The following CPPED1 variants were observed in gnomAD, a reference collection of about 807,000 sequenced individuals.
CPPED1 encodes serine/threonine-protein phosphatase CPPED1.
A neutral mutation model predicts 28.0 loss-of-function variants in CPPED1; 28 were observed. The observed-to-expected ratio is 1.00, with a 90% CI of 0.74 to 1.37. The LOEUF (loss-of-function observed/expected upper bound fraction) is 1.37. Among genes scored for constraint, CPPED1 ranks in the 40% most tolerant of loss-of-function variants. CPPED1 has a pLI of 0.00. For missense variants in CPPED1, 504 were observed against 416.5 expected, an observed-to-expected ratio of 1.21 and a Z score of -1.83; for synonymous variants, 198 against 180.2, an observed-to-expected ratio of 1.10 and a Z score of -0.79.
chr16:12,678,882 C>T (rs2079891217), intron 3 of CPPED1, among the ~76,000 whole-genome samples: 1 of 152,046 alleles, frequency 6.6e-6, no homozygotes, highest in African/African-American at 2.4e-5. Context: ...CTTTCTCTTG[C>T]TTTTTGCAAT....
chr16:12,665,199 G>GTAATATATT, intron 3 of CPPED1, 84 bp from the exon 4 acceptor site: 1 of 1,147,714 alleles, frequency 8.7e-7, no homozygotes, highest in Non-Finnish European at 1.2e-6. Flanking sequence ...TCTGTGAACA[G>GTAATATATT]TAATATATTA....
intron 2 of CPPED1, among the ~76,000 whole-genome samples, chr16:12,777,879 AT>A (rs1164536769): frequency 6.7e-6 from 1 of 150,274 alleles, no homozygotes; most frequent in African/African-American, 2.4e-5. Flanking sequence ...TAAAAAAAAA[AT>A]GAAAGTTCTT....
intron 2 of CPPED1, among the ~76,000 whole-genome samples, chr16:12,727,169 A>T (rs1057152738): frequency 6.6e-6 from 1 of 152,202 alleles, no homozygotes; most frequent in Admixed American, 6.5e-5. Flanking sequence ...TGTGTCCAGT[A>T]TAGAGGGGTT....
At chr16:12,702,233 G>C (rs984696686) in intron 3 of CPPED1, among the ~76,000 whole-genome samples, 1 of 151,934 alleles carries the variant, frequency 6.6e-6, no homozygotes, top group East Asian at 1.9e-4. Context: ...CTTGGTGGGT[G>C]GTCAACAGGC....
chr16:12,752,828 T>C (rs2080338825), intron 2 of CPPED1, among the ~76,000 whole-genome samples: 1 of 148,092 alleles, frequency 6.8e-6, no homozygotes, highest in African/African-American at 2.4e-5. Context: ...ACATAACATA[T>C]ATTAATTAGA....
chr16:12,691,411 G>C (rs1331415422), intron 3 of CPPED1, among the ~76,000 whole-genome samples: 1 of 152,158 alleles, frequency 6.6e-6, no homozygotes, highest in East Asian at 1.9e-4. Flanking sequence ...AAGTAGCTAG[G>C]ATTGAAGGCA....
In CPPED1 at chr16:12,766,804, G is replaced by T. The variant is rs539097097; in HGVS notation, c.289+14381C>A. Reference sequence around the variant, plus strand: ...AAAAGCAAAAACAGAAAACTCCAAGGAAGCACAGGAGGTAGGCTCTAGGAC... The same window carrying T: ...AAAAGCAAAAACAGAAAACTCCAAGTAAGCACAGGAGGTAGGCTCTAGGAC... On this transcript the variant is annotated intron_variant, in intron 2 of 3. Coordinates refer to ENST00000381774, the MANE Select transcript of CPPED1 (RefSeq NM_018340.3). Among the ~76,000 whole-genome samples, 36 of 152,260 alleles carry T rather than the reference G, an allele frequency of 2.4e-4. 2 individuals carry two copies. In the South Asian group the frequency reaches 6.6e-3, roughly 28 times the overall value.
At chr16:12,691,670 G>T (rs1210156278) in intron 3 of CPPED1, among the ~76,000 whole-genome samples, 4 of 151,998 alleles carry the variant, frequency 2.6e-5, no homozygotes, top group Non-Finnish European at 4.4e-5. Flanking sequence ...GTAGGACACG[G>T]ATGAAGCTGG....
At chr16:12,793,373 C>T (rs1053417012) in intron 1 of CPPED1, among the ~76,000 whole-genome samples, 2 of 152,106 alleles carry the variant, frequency 1.3e-5, no homozygotes, top group African/African-American at 2.4e-5. Context: ...GAGCGGGAGG[C>T]GGGGATAGAC....
Position 12,732,084 on chromosome 16 carries a change from G to T in CPPED1, c.290-27035C>A, listed in dbSNP as rs149942509. Among the ~76,000 whole-genome samples the T allele has an allele frequency of 5.6e-3, 857 of 152,156 alleles. 5 individuals carry two copies. Among genetic ancestry groups the T allele is most frequent in the Middle Eastern group, 0.031 (9 of 292 alleles). ...AGGCTGGGGCAGTAGAATCGCCTGGGGGGCAGAGGTTGCAGTGAGCCGAAA... is the reference window on the plus strand; with the variant it reads ...AGGCTGGGGCAGTAGAATCGCCTGGTGGGCAGAGGTTGCAGTGAGCCGAAA... On this transcript the variant is annotated intron_variant, in intron 2 of 3. Coordinates refer to ENST00000381774, the MANE Select transcript of CPPED1 (RefSeq NM_018340.3).
At chr16:12,733,477 G>A (rs947672280) in intron 2 of CPPED1, among the ~76,000 whole-genome samples, 4 of 152,130 alleles carry the variant, frequency 2.6e-5, no homozygotes, top group Non-Finnish European at 5.9e-5. Context: ...GTTTCAGCAT[G>A]TTGGCCAGGC....
At position 12,680,129 on chromosome 16, in the gene CPPED1, G is replaced by C. The variant is rs184309457; in HGVS notation, c.716-15014C>G. Among the ~76,000 whole-genome samples the C allele has an allele frequency of 8.6e-4, 131 of 152,196 alleles. 1 individual carries two copies. The highest frequency in any genetic ancestry group is 3.0e-3 in the African/African-American group (124 of 41,530). On this transcript the variant is annotated intron_variant, in intron 3 of 3. Transcript: ENST00000381774. ...TTCAGTTTCCTAAAAAAATCATTTA[G>C]AAGGTAATGTCTGCTTCCTAGGCCC...
intron 2 of CPPED1, among the ~76,000 whole-genome samples, chr16:12,766,439 CAGCAAG>C (rs2080440018): frequency 2.1e-5 from 3 of 143,262 alleles, no homozygotes; most frequent in African/African-American, 8.7e-5. Flanking sequence ...TACATGATGG[CAGCAAG>C]AGAAAAATGA....
Position 12,663,483 on chromosome 16 carries a change from G to A in CPPED1, c.*1403C>T, listed in dbSNP as rs557021671. ...TTCAGCAAAACACTAAAAGAAGAGC[G>A]TTCTAGTTTTTTAAAAAATTTAATT... On this transcript the variant is annotated 3_prime_UTR_variant, in exon 4 of 4. Transcript: ENST00000381774. 7 of 152,270 alleles carry A rather than the reference G, an allele frequency of 4.6e-5. No individual in the cohort carries two copies. Among genetic ancestry groups the A allele is most frequent in the South Asian group, 4.1e-4 (2 of 4,832 alleles). 9.4% of individuals were successfully genotyped at this position (152,270 alleles called of 1,614,324 possible). A position where few individuals can be genotyped will look rare whatever the true frequency, so the allele number is the denominator to read the frequency against.
intron 2 of CPPED1, among the ~76,000 whole-genome samples, chr16:12,726,256 G>C (rs1347651979): frequency 6.6e-6 from 1 of 151,058 alleles, no homozygotes; most frequent in Non-Finnish European, 1.5e-5. Flanking sequence ...TGGCCAAGCT[G>C]GTCTTGAACT....
At position 12,704,781 on chromosome 16, in the gene CPPED1, G is replaced by C. The variant is rs781611893; in HGVS notation, c.558C>G (p.Asp186Glu). 1.4e-5 allele frequency: 22 copies of C among 1,614,070 alleles called. No homozygotes were observed. In the Admixed American group the frequency reaches 3.2e-4, roughly 23 times the overall value. The change falls in exon 3 of 4, where the codon GAC becomes GAG. Residue 186 changes from aspartate to glutamate, a missense_variant. Physicochemically the swap from Asp to Glu is conservative, Grantham distance 45. Coordinates refer to ENST00000381774, the MANE Select transcript of CPPED1 (RefSeq NM_018340.3). ...GCTGCCTCGCGATGCTCAGCTGCTCGTCCAGCCACTGGTCCTGAGCCTGCT... is the reference window on the plus strand; with the variant it reads ...GCTGCCTCGCGATGCTCAGCTGCTCCTCCAGCCACTGGTCCTGAGCCTGCT... ...SLKQAQDQWL[D>E]EQLSIARQRH...
chr16:12,775,578 C>T (rs1334694923), intron 2 of CPPED1, among the ~76,000 whole-genome samples: 1 of 152,158 alleles, frequency 6.6e-6, no homozygotes, highest in Non-Finnish European at 1.5e-5. Context: ...GCTTCTTGAA[C>T]CTCATTGTCC....
chr16:12,780,096 T>G (rs1180847179), intron 2 of CPPED1, among the ~76,000 whole-genome samples: 1 of 152,144 alleles, frequency 6.6e-6, no homozygotes, highest in Non-Finnish European at 1.5e-5. Flanking sequence ...GGCACGTGGT[T>G]GCAGTGGAGC....
rs1021452989 is a variant in CPPED1 at position 12,662,533 on chromosome 16, C to T, written c.*2353G>A. The T allele has an allele frequency of 1.3e-5, 2 of 152,220 alleles. No homozygotes were observed. The highest frequency in any genetic ancestry group is 2.9e-5 in the Non-Finnish European group (2 of 68,044). 9.4% of individuals were successfully genotyped at this position (152,220 alleles called of 1,614,324 possible). A position where few individuals can be genotyped will look rare whatever the true frequency, so the allele number is the denominator to read the frequency against. On this transcript the variant is annotated 3_prime_UTR_variant, in exon 4 of 4. Transcript: ENST00000381774. ...CCATCAGGTACTTTCTCATCCCTTA[C>T]CCTCCTCCCACCCTTCTGAGTCTCC... is the stretch of plus-strand genomic sequence containing the variant.
Sources: gnomAD v4.1 joint callset for allele counts (sites outside exome capture counted in the v4.1 genomes callset) on GRCh38, gnomAD v4.1.1 for gene constraint, MANE v1.5 for transcripts, NCBI Gene and HGNC (gene_info 2026-07-23, HGNC 2026-07-21) for gene names.